RIN3: variants seen among roughly 807,000 people sequenced by gnomAD.
RIN3 encodes RAB5 interacting protein 3.
RIN3 carries 54 observed loss-of-function variants against 76.3 expected under a neutral mutation model. The observed-to-expected ratio is 0.71, with a 90% confidence interval of 0.57 to 0.89. RIN3 has a LOEUF of 0.89. Ranked by LOEUF, RIN3 falls within the 40% of genes least tolerant of loss-of-function variation. RIN3 has a pLI of 0.00. For missense variants in RIN3, 1,256 were observed against 1,322.1 expected, an observed-to-expected ratio of 0.95 and a Z score of 0.78; for synonymous variants, 576 against 564.0, an observed-to-expected ratio of 1.02 and a Z score of -0.30.
chr14:92,676,524 G>C lies in RIN3; in HGVS notation c.2385G>C (p.Leu795=), dbSNP rs1247863663. 6.2e-7 allele frequency: 1 copy of C among 1,614,176 alleles called. No individual in the cohort carries two copies. The highest frequency in any genetic ancestry group is 1.1e-5 in the South Asian group (1 of 91,086). Residue 795 remains leucine (L), a synonymous_variant, in exon 8 of 10, where the codon CTG becomes CTC. Coordinates refer to ENST00000216487, the MANE Select transcript of RIN3 (RefSeq NM_024832.5). ...TCCTGCCTGTGCTCATGTATGTGCT[G>C]GCCCGCAGCAACCTCACGGAGATGC... ...DDFLPVLMYV[L]ARSNLTEMLL... is the part of the protein sequence containing the mutation.
rs973300042 is a variant in RIN3, at chr14:92,648,430, G to A, written c.533-3152G>A. ...CTGTCCCGTGGCAGGCTGCCCGGCT[G>A]GTGGCCCATCCGTTTACGGGGCTCC... On this transcript the variant is annotated intron_variant, in intron 5 of 9. Transcript: ENST00000216487. This position sits in a 1 kb window ranked among gnomAD's most constrained non-coding sequence, Gnocchi z 4.1. 6.6e-5 allele frequency among the ~76,000 whole-genome samples: 10 copies of A among 152,222 alleles called. No homozygotes were observed. The highest frequency in any genetic ancestry group is 1.3e-4 in the Non-Finnish European group (9 of 68,036).
At chr14:92,576,311 A>G (rs1898227716) in intron 2 of RIN3, 4 of 1,289,828 alleles carry the variant, frequency 3.1e-6, no homozygotes, top group Non-Finnish European at 4.0e-6. Context: ...TCACTGGAGC[A>G]GAACCATTGC....
chr14:92,539,423 A>G (rs555113504), intron 1 of RIN3, among the ~76,000 whole-genome samples: 2 of 152,328 alleles, frequency 1.3e-5, no homozygotes, highest in Admixed American at 6.5e-5. Flanking sequence ...CATTTTAAAT[A>G]TAGGCAAATT....
rs764082541 is a variant in RIN3, at chr14:92,652,988, A to G, written c.1939A>G (p.Met647Val). The G allele has an allele frequency of 8.1e-6, 13 of 1,613,316 alleles. No individual in the cohort carries two copies. The highest frequency in any genetic ancestry group is 1.7e-5 in the Admixed American group (1 of 60,028). Reference sequence around the variant, plus strand: ...GGAGATGCTGCAGGAGATTCGCACCATGATGACCCAGCTCAAGAGCTACCT... The same window carrying G: ...GGAGATGCTGCAGGAGATTCGCACCGTGATGACCCAGCTCAAGAGCTACCT... ...STEMLQEIRT[M>V]MTQLKSYLLQ... Residue 647 changes from methionine to valine, a missense_variant, in exon 6 of 10, where the codon ATG (methionine) becomes GTG (valine). Transcript: ENST00000216487. The surrounding 1 kb of genome is among the most constrained non-coding windows in gnomAD (Gnocchi z 6.4).
At position 92,688,603 on chromosome 14, in the gene RIN3, A is replaced by C; in HGVS notation, c.*351A>C. On this transcript the variant is annotated 3_prime_UTR_variant, in exon 10 of 10. Coordinates refer to ENST00000216487, the MANE Select transcript of RIN3 (RefSeq NM_024832.5). ...CCCATGAGTCCCCCACACCCACCCCATCCTCGGTCTTTGCAAAGAAGGGCC... is the reference window on the plus strand; with the variant it reads ...CCCATGAGTCCCCCACACCCACCCCCTCCTCGGTCTTTGCAAAGAAGGGCC... 3.1e-5 allele frequency: 9 copies of C among 294,702 alleles called. No homozygotes were observed. Among genetic ancestry groups the C allele is most frequent in the East Asian group, 1.4e-4 (2 of 14,146 alleles). The allele number at this position is 294,702 out of a possible 1,614,324, so 18.3% of individuals were successfully genotyped here.
At chr14:92,593,201 T>C (rs1885045715) in intron 3 of RIN3, among the ~76,000 whole-genome samples, 1 of 152,028 alleles carries the variant, frequency 6.6e-6, no homozygotes, top group South Asian at 2.1e-4. Flanking sequence ...AATAGAATCA[T>C]ATAAAATGCC....
chr14:92,607,105 C>T (rs767806694), intron 3 of RIN3, among the ~76,000 whole-genome samples: 10 of 152,188 alleles, frequency 6.6e-5, no homozygotes, highest in Non-Finnish European at 1.3e-4. Flanking sequence ...CATGAACAGA[C>T]ATTTCACCAA....
chr14:92,580,866 G>A (rs1566852604), intron 3 of RIN3, among the ~76,000 whole-genome samples: 3 of 152,348 alleles, frequency 2.0e-5, no homozygotes, highest in South Asian at 2.1e-4. Flanking sequence ...TAACTGCAAG[G>A]GAAACTGGGT....
At chr14:92,517,018 G>A (rs181792134) in intron 1 of RIN3, among the ~76,000 whole-genome samples, 10 of 152,320 alleles carry the variant, frequency 6.6e-5, no homozygotes, top group Admixed American at 5.2e-4. Context: ...GTGGTCTGTG[G>A]TGCCTCCCAG....
intron 3 of RIN3, among the ~76,000 whole-genome samples, chr14:92,591,359 G>A (rs960854069): frequency 2.2e-4 from 33 of 151,982 alleles, no homozygotes; most frequent in African/African-American, 8.0e-4. Context: ...AACTACAAAA[G>A]GTGTAACAGA....
At chr14:92,521,713 T>C (rs1025825235) in intron 1 of RIN3, among the ~76,000 whole-genome samples, 4 of 152,170 alleles carry the variant, frequency 2.6e-5, no homozygotes, top group Non-Finnish European at 5.9e-5. Flanking sequence ...AAAATAAACC[T>C]CTTTTCTTTG....
Position 92,643,908 on chromosome 14 carries a change from A to G in RIN3, c.532+2579A>G, listed in dbSNP as rs185295938. ...GCCCCACTGCACTCCAGCGTGGGCA[A>G]CAGACTGAGACTCTGCCTCAAAAAA... On this transcript the variant is annotated intron_variant, in intron 5 of 9. Coordinates refer to ENST00000216487, the MANE Select transcript of RIN3 (RefSeq NM_024832.5). This position sits in a 1 kb window ranked among gnomAD's most constrained non-coding sequence, Gnocchi z 4.8. 1.6e-3 allele frequency among the ~76,000 whole-genome samples: 241 copies of G among 152,226 alleles called. No individual in the cohort carries two copies. The Middle Eastern group carries it at 0.027, about 17-fold the overall frequency.
chr14:92,558,887 C>CTTTTTTTTTTTT (rs61202055), intron 2 of RIN3, among the ~76,000 whole-genome samples: 5 of 130,732 alleles, frequency 3.8e-5, no homozygotes, highest in Non-Finnish European at 6.3e-5. Context: ...CTTTTCTTTT[C>CTTTTTTTTTTTT]TTTTTTTTTT....
chr14:92,584,165 G>T (rs988410859), intron 3 of RIN3, among the ~76,000 whole-genome samples: 6 of 152,054 alleles, frequency 3.9e-5, no homozygotes, highest in Non-Finnish European at 5.9e-5. Context: ...GGGGTGGGGG[G>T]GTCTTGAAAC....
At chr14:92,651,498 G>GGC in intron 5 of RIN3, 84 bp from the exon 6 acceptor site, 4 of 707,776 alleles carry the variant, frequency 5.7e-6, no homozygotes, top group Non-Finnish European at 2.3e-6. Flanking sequence ...CCCACCCGTG[G>GGC]ACCCCGCCCA....
At chr14:92,679,391 C>T (rs907685239) in intron 8 of RIN3, among the ~76,000 whole-genome samples, 8 of 152,222 alleles carry the variant, frequency 5.3e-5, no homozygotes, top group Non-Finnish European at 8.8e-5. Context: ...GTGGGTGGCA[C>T]GGGCACATCC....
intron 1 of RIN3, among the ~76,000 whole-genome samples, chr14:92,526,199 T>C (rs1008531256): frequency 6.6e-6 from 1 of 152,202 alleles, no homozygotes. Flanking sequence ...TTCACGCCTG[T>C]AATCCCAGCA....
chr14:92,652,149 C>T lies in RIN3; in HGVS notation c.1100C>T (p.Pro367Leu). 6.2e-7 allele frequency: 1 copy of T among 1,603,678 alleles called. No individual in the cohort carries two copies. The highest frequency in any genetic ancestry group is 8.5e-7 in the Non-Finnish European group (1 of 1,175,254). Reference sequence around the variant, plus strand: ...ATGAAGCCAGGGGCAGCCTCCAGTCCCTTGCAGCAGGTCCCCGCCCCGCCA... The same window carrying T: ...ATGAAGCCAGGGGCAGCCTCCAGTCTCTTGCAGCAGGTCCCCGCCCCGCCA... ...EAMKPGAASS[P>L]LQQVPAPPLP... The change falls in exon 6 of 10, where the codon CCC becomes CTC. Residue 367 changes from proline (P) to leucine (L), a missense_variant. Physicochemically the swap from Pro to Leu is moderately conservative, Grantham distance 98. This residue lies in a region of RIN3 where 610 missense variants were observed against 626.4 expected (regional missense o/e 0.97). Coordinates refer to ENST00000216487, the MANE Select transcript of RIN3 (RefSeq NM_024832.5). This position sits in a 1 kb window ranked among gnomAD's most constrained non-coding sequence, Gnocchi z 6.4.
rs1473873418 is a variant in RIN3 at position 92,685,229 on chromosome 14, T to A, written c.2631+79T>A. 1 of 1,430,636 alleles carries A rather than the reference T, an allele frequency of 7.0e-7. No individual in the cohort carries two copies. The highest frequency in any genetic ancestry group is 2.3e-5 in the Admixed American group (1 of 44,092). The allele number at this position is 1,430,636 out of a possible 1,614,324, so 88.6% of individuals were successfully genotyped here. ...CTGCTGCCTGCTGGCTAAGGAGCCG[T>A]GACATCACCTGGCTGCTCCAGCCGC... On this transcript the variant is annotated intron_variant, in intron 9 of 9. Transcript: ENST00000216487. The surrounding 1 kb of genome is among the most constrained non-coding windows in gnomAD (Gnocchi z 4.7).
Sources: allele counts gnomAD v4.1 joint callset (sites outside exome capture counted in the v4.1 genomes callset), GRCh38; gene constraint gnomAD v4.1.1; regional missense constraint gnomAD v4.1.1; non-coding constraint Gnocchi (gnomAD v3.1); transcripts MANE v1.5; gene names NCBI Gene and HGNC (gene_info 2026-07-23, HGNC 2026-07-21).